CHL1: variants seen among roughly 807,000 people sequenced by gnomAD.
The protein encoded by CHL1 is neural cell adhesion molecule L1-like protein.
A neutral mutation model predicts 141.9 loss-of-function variants in CHL1; 96 were observed. That is an observed-to-expected ratio of 0.68 (90% CI 0.57 to 0.80). The LOEUF is 0.80. CHL1 is among the 30% of genes least tolerant of loss of function. CHL1 has a pLI of 0.00. For missense variants in CHL1, 1,820 were observed against 1,457.2 expected, an observed-to-expected ratio of 1.25 and a Z score of -4.05; for synonymous variants, 613 against 502.2, an observed-to-expected ratio of 1.22 and a Z score of -2.95.
At chr3:249,342 A>T (rs1206402068) in intron 2 of CHL1, among the ~76,000 whole-genome samples, 1 of 152,186 alleles carries the variant, frequency 6.6e-6, no homozygotes, top group Non-Finnish European at 1.5e-5. Context: ...AAGATCAAAG[A>T]TTAGTGACTT....
chr3:333,970 G>C (rs556155811), intron 5 of CHL1, among the ~76,000 whole-genome samples: 6 of 151,544 alleles, frequency 4.0e-5, no homozygotes, highest in Admixed American at 1.3e-4. Flanking sequence ...GTTTGTTTTT[G>C]TTTTGAGACA....
intron 5 of CHL1, among the ~76,000 whole-genome samples, chr3:334,852 C>A (rs1701739465): frequency 1.3e-5 from 2 of 152,080 alleles, no homozygotes; most frequent in African/African-American, 4.8e-5. Flanking sequence ...ACTGTCATAT[C>A]CTTCCCGTTC....
At chr3:246,728 A>G (rs1242109035) in intron 2 of CHL1, 1 of 152,140 alleles carries the variant, frequency 6.6e-6, no homozygotes, top group Non-Finnish European at 1.5e-5. Context: ...CTTAGGGCAC[A>G]ATAAGCAGTT....
At chr3:236,988 A>G (rs1179757237) in intron 1 of CHL1, among the ~76,000 whole-genome samples, 1 of 152,016 alleles carries the variant, frequency 6.6e-6, no homozygotes, top group African/African-American at 2.4e-5. Flanking sequence ...ATTAATAGGG[A>G]GTGTTACTGA....
chr3:334,019 C>G (rs1053313289), intron 5 of CHL1, among the ~76,000 whole-genome samples: 1 of 152,070 alleles, frequency 6.6e-6, no homozygotes, highest in Non-Finnish European at 1.5e-5. Context: ...TGCAGTGGTA[C>G]AAACATGGCT....
At chr3:329,606 A>G (rs1287625324) in intron 5 of CHL1, among the ~76,000 whole-genome samples, 4 of 152,020 alleles carry the variant, frequency 2.6e-5, no homozygotes, top group Admixed American at 6.6e-5. Context: ...GACAAGCAGA[A>G]AGAAAAAGAG....
intron 19 of CHL1, among the ~76,000 whole-genome samples, chr3:384,884 C>G (rs1707488681): frequency 6.6e-6 from 1 of 152,118 alleles, no homozygotes; most frequent in South Asian, 2.1e-4. Flanking sequence ...TCTTTGTACT[C>G]ATTACACAAT....
intron 1 of CHL1, among the ~76,000 whole-genome samples, chr3:234,151 T>A (rs534969568): frequency 1.5e-3 from 225 of 151,698 alleles, no homozygotes; most frequent in Non-Finnish European, 2.6e-3. Context: ...AAAATATTAT[T>A]TTACAGATGA....
chr3:252,275 T>G (rs1034123943), intron 2 of CHL1, among the ~76,000 whole-genome samples: 1 of 148,330 alleles, frequency 6.7e-6, no homozygotes, highest in African/African-American at 2.5e-5. Flanking sequence ...TACTATTGTT[T>G]TAGCTATACA....
At chr3:274,340 AT>A (rs770549234) in intron 2 of CHL1, among the ~76,000 whole-genome samples, 2 of 152,194 alleles carry the variant, frequency 1.3e-5, no homozygotes, top group Non-Finnish European at 2.9e-5. Flanking sequence ...CCCCACACAC[AT>A]TCCAGGTAAT....
chr3:322,101 T>G (rs987726273), intron 3 of CHL1, among the ~76,000 whole-genome samples: 1 of 152,044 alleles, frequency 6.6e-6, no homozygotes, highest in Non-Finnish European at 1.5e-5. Context: ...GCAATAAAAT[T>G]TAAATAATAT....
At chr3:199,156 A>T (rs529005377) in intron 1 of CHL1, among the ~76,000 whole-genome samples, 1 of 152,218 alleles carries the variant, frequency 6.6e-6, no homozygotes, top group Non-Finnish European at 1.5e-5. Context: ...TTATGGCCTT[A>T]AGTGCTGCAG....
At chr3:251,673 A>G (rs755798514) in intron 2 of CHL1, among the ~76,000 whole-genome samples, 3 of 152,144 alleles carry the variant, frequency 2.0e-5, no homozygotes, top group Non-Finnish European at 4.4e-5. Context: ...ATATCATGGG[A>G]AGCCTATATC....
chr3:291,521 C>T (rs186756109), intron 2 of CHL1, among the ~76,000 whole-genome samples: 90 of 151,258 alleles, frequency 6.0e-4, no homozygotes, highest in African/African-American at 2.0e-3. Flanking sequence ...ATCACTCTGG[C>T]CTTACTTGGC....
chr3:225,820 T>C (rs1203778808), intron 1 of CHL1, among the ~76,000 whole-genome samples: 1 of 151,966 alleles, frequency 6.6e-6, no homozygotes, highest in African/African-American at 2.4e-5. Flanking sequence ...CCATCCTGGC[T>C]AACTCTGTGA....
intron 2 of CHL1, among the ~76,000 whole-genome samples, chr3:319,002 T>C (rs917631139): frequency 1.3e-5 from 2 of 151,856 alleles, no homozygotes; most frequent in Middle Eastern, 3.4e-3. Context: ...AATTGTGTCC[T>C]TGCAGCAACA....
intron 2 of CHL1, among the ~76,000 whole-genome samples, chr3:289,356 T>C (rs186797692): frequency 6.6e-6 from 1 of 152,320 alleles, no homozygotes; most frequent in Admixed American, 6.5e-5. Flanking sequence ...TTCCCTGTTG[T>C]GGATTAAGAT....
rs528097546 is a variant in CHL1, at chr3:211,816, T to C, written c.-175+14753T>C. 3.3e-5 allele frequency among the ~76,000 whole-genome samples: 5 copies of C among 152,332 alleles called. No individual in the cohort carries two copies. The South Asian group carries it at 1.0e-3, about 32-fold the overall frequency. On this transcript the variant is annotated intron_variant, in intron 1 of 27. Coordinates refer to ENST00000256509, the MANE Select transcript of CHL1 (RefSeq NM_006614.4). ...TATTGGTAATACTATAAATTGCTTTTGAATGAAAGATACAATGTCTATATA... is the reference window on the plus strand; with the variant it reads ...TATTGGTAATACTATAAATTGCTTTCGAATGAAAGATACAATGTCTATATA...
intron 5 of CHL1, among the ~76,000 whole-genome samples, chr3:330,753 A>G (rs1483967205): frequency 6.6e-6 from 1 of 152,296 alleles, no homozygotes; most frequent in Non-Finnish European, 1.5e-5. Flanking sequence ...TGAGGAACAA[A>G]GGGCAAACTT....
Sources: gnomAD v4.1 joint callset for allele counts (sites outside exome capture counted in the v4.1 genomes callset) on GRCh38, gnomAD v4.1.1 for gene constraint, MANE v1.5 for transcripts, NCBI Gene and HGNC (gene_info 2026-07-23, HGNC 2026-07-21) for gene names.